The following GFAP variants were observed in gnomAD, a reference collection of about 807,000 sequenced individuals.
The protein encoded by GFAP is intermediate filament protein.
A neutral mutation model predicts 49.3 loss-of-function variants in GFAP; 38 were observed. That is an observed-to-expected ratio of 0.77 (90% CI 0.60 to 1.01). GFAP has a LOEUF of 1.01. Ranked by LOEUF, GFAP falls within the 50% of genes least tolerant of loss-of-function variation. The probability of loss-of-function intolerance (pLI) is 0.00; values close to 1 mark genes in which losing one functional copy is unlikely to be tolerated. For synonymous variants in GFAP, 222 were observed against 236.4 expected (o/e 0.94, Z 0.56); for missense variants, 463 against 579.1 (o/e 0.80, Z 2.06).
chr17:44,907,753 A>G, intron 8 of GFAP: 1 of 555,234 alleles, frequency 1.8e-6, no homozygotes, highest in Non-Finnish European at 3.2e-6. Flanking sequence ...TTGGAAGTGA[A>G]AGCTACTAAC....
rs1307244317 is a variant in GFAP at position 44,904,742 on chromosome 17, C to A, written c.*2605G>T. ...TGCAGTGGCCTGGGACAAAGACCGC[C>A]AGCACCTCTACCGCACACAGTACCT... On this transcript the variant is annotated 3_prime_UTR_variant, in exon 9 of 9. Coordinates refer to ENST00000588735, the MANE Select transcript of GFAP (RefSeq NM_002055.5). 2.6e-6 allele frequency: 4 copies of A among 1,550,622 alleles called. No homozygotes were observed. The South Asian group carries it at 4.8e-5, about 18-fold the overall frequency.
In GFAP at chr17:44,904,671, T is replaced by A. The variant is rs2051623955; in HGVS notation, c.*2676A>T. ...CCCATTCAGTTCCACCAGCAGAGAC[T>A]GGGCCATGGACTCATCATCTCCTGT... is the stretch of plus-strand genomic sequence containing the variant. On this transcript the variant is annotated 3_prime_UTR_variant, in exon 9 of 9. Coordinates refer to ENST00000588735, the MANE Select transcript of GFAP (RefSeq NM_002055.5). 4 of 1,550,574 alleles carry A rather than the reference T, an allele frequency of 2.6e-6. No individual in the cohort carries two copies. In the East Asian group the frequency reaches 9.8e-5, roughly 38 times the overall value.
chr17:44,911,659 T>C lies in GFAP; in HGVS notation c.906+13A>G. On this transcript the variant is annotated intron_variant, in intron 5 of 8. Transcript: ENST00000588735. ...TGCTCCGCCCGTCCCCGTCCTGCCC[T>C]GGCCGCGCTCACCGTGCCGCGCAGA... 1 of 1,611,430 alleles carries C rather than the reference T, an allele frequency of 6.2e-7. No individual in the cohort carries two copies. Among genetic ancestry groups the C allele is most frequent in the Non-Finnish European group, 8.5e-7 (1 of 1,179,810 alleles).
rs1567767575 is a variant in GFAP, at chr17:44,904,523, C to A, written c.*2824G>T. On this transcript the variant is annotated 3_prime_UTR_variant, in exon 9 of 9. Transcript: ENST00000588735. ...GCGGACCAAGGCCAGGGACCACACG[C>A]CTGAGGTGCTGGTTCGGAGCTGCTT... is the stretch of plus-strand genomic sequence containing the variant. The A allele has an allele frequency of 6.4e-7, 1 of 1,550,434 alleles. No homozygotes were observed. Among genetic ancestry groups the A allele is most frequent in the African/African-American group, 1.4e-5 (1 of 73,168 alleles).
intron 7 of GFAP, chr17:44,909,506 A>T: frequency 6.6e-6 from 1 of 152,450 alleles, no homozygotes; most frequent in East Asian, 1.9e-4. Flanking sequence ...TTAAGTCCTG[A>T]GACATGCATA....
intron 4 of GFAP, among the ~76,000 whole-genome samples, chr17:44,912,068 G>A (rs1285217031): frequency 1.3e-5 from 2 of 152,144 alleles, no homozygotes; most frequent in Admixed American, 6.5e-5. Context: ...GGGACTGAAC[G>A]CTGTCGTCTT....
rs1359415376 is a variant in GFAP at position 44,911,497 on chromosome 17, G to A, written c.907-41C>T. On this transcript the variant is annotated intron_variant, in intron 5 of 8. Transcript: ENST00000588735. ...GGCCGGTCCCGCGGAGCCCCGACCC[G>A]ACTTGGGGAGGTTTCGAGGCCCGGC... 3.8e-6 allele frequency: 6 copies of A among 1,565,902 alleles called. No individual in the cohort carries two copies. In the African/African-American group the frequency reaches 5.4e-5, roughly 14 times the overall value.
intron 1 of GFAP, 64 bp from the exon 2 acceptor site, chr17:44,914,152 G>A: frequency 8.4e-7 from 1 of 1,197,316 alleles, no homozygotes; most frequent in Non-Finnish European, 1.2e-6. Flanking sequence ...ACCTGCCTCA[G>A]TCTCCCTTGA....
chr17:44,907,529 T>G, intron 8 of GFAP, 141 bp from the exon 9 acceptor site: 1 of 718,008 alleles, frequency 1.4e-6, no homozygotes. Context: ...ACAGCTGCCT[T>G]GCGTGGTGGA....
rs1387041551 is a variant in GFAP, at chr17:44,908,084, C to T, written c.1237G>A (p.Val413Met). ...CTTACCTCTCCATCCCGCATCTCCACGGTCTTCACCACGATGTTCCTCTTG... is the reference window on the plus strand; with the variant it reads ...CTTACCTCTCCATCCCGCATCTCCATGGTCTTCACCACGATGTTCCTCTTG... ...HLKRNIVVKT[V>M]EMRDGEVIKE... The change falls in exon 8 of 9, where the codon GTG becomes ATG. Residue 413 changes from valine (V) to methionine (M), a missense_variant. Physicochemically the swap from Val to Met is conservative, Grantham distance 21. This residue lies in a region of GFAP where 362 missense variants were observed against 445.5 expected (regional missense o/e 0.81). Coordinates refer to ENST00000588735, the MANE Select transcript of GFAP (RefSeq NM_002055.5). The T allele has an allele frequency of 3.2e-5, 51 of 1,607,860 alleles. No individual in the cohort carries two copies. The highest frequency in any genetic ancestry group is 4.0e-5 in the Non-Finnish European group (47 of 1,174,690).
chr17:44,911,929 G>A, intron 4 of GFAP, 132 bp from the exon 5 acceptor site: 1 of 1,006,024 alleles, frequency 9.9e-7, no homozygotes, highest in South Asian at 1.5e-5. Flanking sequence ...CCCAACAACT[G>A]TGACCCATGG....
chr17:44,911,555 GT>G, intron 5 of GFAP, 99 bp from the exon 6 acceptor site: 1 of 1,561,732 alleles, frequency 6.4e-7, no homozygotes, highest in Non-Finnish European at 8.7e-7. Flanking sequence ...TAGCCCGGGG[GT>G]AACGTTCAGG....
rs756114601 is a variant in GFAP, at chr17:44,915,015, C to T, written c.461+11G>A. 2.5e-6 allele frequency: 4 copies of T among 1,604,924 alleles called. No homozygotes were observed. The East Asian group carries it at 6.7e-5, about 27-fold the overall frequency. ...TGCTCACAAGGCCCCCCTTCCCCAT[C>T]CCCTCCTCACTTCTGCCTCACAGTG... is the stretch of plus-strand genomic sequence containing the variant. On this transcript the variant is annotated intron_variant, in intron 1 of 8. Transcript: ENST00000588735. The surrounding 1 kb of genome is among the most constrained non-coding windows in gnomAD (Gnocchi z 4.1).
At position 44,904,315 on chromosome 17, in the gene GFAP, C is replaced by T; in HGVS notation, c.*3032G>A. On this transcript the variant is annotated 3_prime_UTR_variant, in exon 9 of 9. Coordinates refer to ENST00000588735, the MANE Select transcript of GFAP (RefSeq NM_002055.5). Reference sequence around the variant, plus strand: ...GCCAGGAGCCCTTTGCAGATGAATACTATGGGCACCTCCATGTCTTCACCA... The same window carrying T: ...GCCAGGAGCCCTTTGCAGATGAATATTATGGGCACCTCCATGTCTTCACCA... 1.3e-6 allele frequency: 2 copies of T among 1,544,992 alleles called. No individual in the cohort carries two copies. Among genetic ancestry groups the T allele is most frequent in the Non-Finnish European group, 1.7e-6 (2 of 1,143,892 alleles).
intron 4 of GFAP, chr17:44,912,478 C>G (rs996102214): frequency 6.5e-6 from 1 of 153,772 alleles, no homozygotes; most frequent in African/African-American, 2.4e-5. Context: ...TCCTCCCAGC[C>G]CCATCGGGCC....
intron 6 of GFAP, 114 bp downstream of exon 6, chr17:44,911,122 G>C: frequency 1.1e-6 from 1 of 913,920 alleles, no homozygotes. Context: ...GGGCATTGAG[G>C]TGGGAAGGGA....
rs2051664243 is a variant in GFAP, at chr17:44,907,130, T to C, written c.*217A>G. ...CCCTTGGGGGTGAGTTTCTTGTTAGTTGGAGTTGCTGGGTGCTGGGTGGGT... is the reference window on the plus strand; with the variant it reads ...CCCTTGGGGGTGAGTTTCTTGTTAGCTGGAGTTGCTGGGTGCTGGGTGGGT... On this transcript the variant is annotated 3_prime_UTR_variant, in exon 9 of 9. Transcript: ENST00000588735. 1 of 605,566 alleles carries C rather than the reference T, an allele frequency of 1.7e-6. No homozygotes were observed. The highest frequency in any genetic ancestry group is 3.0e-6 in the Non-Finnish European group (1 of 336,174). The allele number at this position is 605,566 out of a possible 1,614,324, so 37.5% of individuals were successfully genotyped here. A position where few individuals can be genotyped will look rare whatever the true frequency, so the allele number is the denominator to read the frequency against.
At position 44,914,345 on chromosome 17, in the gene GFAP, A is replaced by C. The variant is rs1686173888; in HGVS notation, c.462-257T>G. 1.3e-5 allele frequency: 7 copies of C among 544,260 alleles called. No individual in the cohort carries two copies. In the Admixed American group the frequency reaches 2.2e-4, roughly 17 times the overall value. The allele number at this position is 544,260 out of a possible 1,614,324, so 33.7% of individuals were successfully genotyped here. On this transcript the variant is annotated intron_variant, in intron 1 of 8. Transcript: ENST00000588735. The stretch of plus-strand genomic sequence containing the variant: ...TGCTTCTGCTCACACAGGCGCATCC[A>C]CAAGCATACACTCACTGTTGCACAC...
intron 7 of GFAP, chr17:44,909,214 G>A (rs546165356): frequency 6.6e-6 from 1 of 152,386 alleles, no homozygotes; most frequent in South Asian, 2.1e-4. Flanking sequence ...ACATGACTCT[G>A]GGCAAGTTAA....
Sources: allele counts gnomAD v4.1 joint callset (sites outside exome capture counted in the v4.1 genomes callset), GRCh38; gene constraint gnomAD v4.1.1; regional missense constraint gnomAD v4.1.1; non-coding constraint Gnocchi (gnomAD v3.1); transcripts MANE v1.5; gene names NCBI Gene and HGNC (gene_info 2026-07-23, HGNC 2026-07-21).